MARCHF1: variants seen among roughly 807,000 people sequenced by gnomAD.
The protein encoded by MARCHF1 is E3 ubiquitin-protein ligase MARCHF1.
MARCHF1 carries 40 observed loss-of-function variants against 54.2 expected under a neutral mutation model. The ratio of observed to expected loss-of-function variants is 0.74; its 90% CI spans 0.57 to 0.96. MARCHF1 has a LOEUF of 0.96. Ranked by LOEUF, MARCHF1 falls within the 40% of genes least tolerant of loss-of-function variation. The pLI, the probability that MARCHF1 is intolerant of heterozygous loss-of-function variation, is 0.00. For synonymous variants in MARCHF1, 236 were observed against 236.3 expected, an observed-to-expected ratio of 1.00 and a Z score of 0.01; for missense variants, 586 against 656.5, an observed-to-expected ratio of 0.89 and a Z score of 1.17.
intron 1 of MARCHF1, among the ~76,000 whole-genome samples, chr4:164,216,612 G>A (rs939573007): frequency 2.6e-5 from 4 of 152,104 alleles, no homozygotes; most frequent in Non-Finnish European, 4.4e-5. Flanking sequence ...TCATTTCTTG[G>A]ATTAGATTAA....
chr4:163,546,641 G>A lies in MARCHF1; in HGVS notation c.1192-898C>T, dbSNP rs547710328. 1.4e-3 allele frequency among the ~76,000 whole-genome samples: 208 copies of A among 152,268 alleles called. 2 individuals are homozygous for A. The highest frequency in any genetic ancestry group is 4.7e-3 in the African/African-American group (194 of 41,550). ...GAAAAACAAATTTTATCACTTGGGC[G>A]ATACTAGAAAATCTGCTGAAGCCTC... On this transcript the variant is annotated intron_variant, in intron 8 of 9. Coordinates refer to ENST00000514618, the MANE Select transcript of MARCHF1 (RefSeq NM_001394959.1).
At chr4:164,162,983 G>C (rs978690539) in intron 1 of MARCHF1, among the ~76,000 whole-genome samples, 3 of 151,974 alleles carry the variant, frequency 2.0e-5, no homozygotes, top group African/African-American at 7.2e-5. Flanking sequence ...ACAATCTTCT[G>C]TCTCCTGCAA....
At chr4:163,971,229 T>C (rs1752541414) in intron 3 of MARCHF1, among the ~76,000 whole-genome samples, 1 of 152,036 alleles carries the variant, frequency 6.6e-6, no homozygotes, top group African/African-American at 2.4e-5. Flanking sequence ...TGGGATAGAG[T>C]GTAAGGCAGG....
intron 8 of MARCHF1, among the ~76,000 whole-genome samples, chr4:163,569,606 G>A (rs1489320834): frequency 5.9e-5 from 9 of 151,868 alleles, no homozygotes; most frequent in East Asian, 1.9e-4. Flanking sequence ...CCCCGTTTAC[G>A]CAGGAGGAAA....
chr4:163,938,392 A>T (rs1276510047), intron 3 of MARCHF1, among the ~76,000 whole-genome samples: 1 of 152,188 alleles, frequency 6.6e-6, no homozygotes, highest in Admixed American at 6.5e-5. Flanking sequence ...GGCCCCCATT[A>T]GGAAGGTGCC....
At chr4:163,989,760 T>C (rs1348862305) in intron 2 of MARCHF1, among the ~76,000 whole-genome samples, 1 of 152,240 alleles carries the variant, frequency 6.6e-6, no homozygotes, top group Admixed American at 6.5e-5. Flanking sequence ...ACTCTGTCTT[T>C]AAAAGGACAG....
At chr4:163,713,887 A>C (rs1480421723) in intron 4 of MARCHF1, among the ~76,000 whole-genome samples, 1 of 152,240 alleles carries the variant, frequency 6.6e-6, no homozygotes, top group Admixed American at 6.5e-5. Flanking sequence ...TTGGCAATAC[A>C]TAATGAAAAT....
chr4:164,230,412 T>C (rs1732384135), intron 1 of MARCHF1, among the ~76,000 whole-genome samples: 1 of 151,070 alleles, frequency 6.6e-6, no homozygotes, highest in Admixed American at 6.6e-5. Flanking sequence ...AAAAAAAAGA[T>C]ATAAAATAGT....
At chr4:163,875,135 T>A (rs538354092) in intron 3 of MARCHF1, among the ~76,000 whole-genome samples, 1 of 152,272 alleles carries the variant, frequency 6.6e-6, no homozygotes, top group Admixed American at 6.5e-5. Flanking sequence ...TTAGCTCAAT[T>A]TTTCATTTGC....
intron 1 of MARCHF1, among the ~76,000 whole-genome samples, chr4:164,140,384 G>C (rs1452619149): frequency 6.6e-6 from 1 of 151,764 alleles, no homozygotes; most frequent in Non-Finnish European, 1.5e-5. Flanking sequence ...TTCTTTCTCA[G>C]GAAACCAACC....
chr4:164,298,679 G>A lies in MARCHF1; in HGVS notation c.-323+85191C>T, dbSNP rs140208586. On this transcript the variant is annotated intron_variant, in intron 1 of 9. Transcript: ENST00000514618. ...GAGATTAAAATAAGGTTTTCTTTTA[G>A]TATGATATAACTCTAAGGTTATGGA... 3.3e-3 allele frequency among the ~76,000 whole-genome samples: 508 copies of A among 152,144 alleles called. 2 individuals are homozygous for A. Among genetic ancestry groups the A allele is most frequent in the Admixed American group, 8.5e-3 (130 of 15,264 alleles).
chr4:164,009,483 T>C (rs745752246), intron 2 of MARCHF1, among the ~76,000 whole-genome samples: 1 of 152,036 alleles, frequency 6.6e-6, no homozygotes, highest in African/African-American at 2.4e-5. Flanking sequence ...CAGATGAAGA[T>C]ACAATAAAGA....
chr4:163,608,707 A>G (rs1444825513), intron 7 of MARCHF1, among the ~76,000 whole-genome samples: 1 of 152,068 alleles, frequency 6.6e-6, no homozygotes, highest in African/African-American at 2.4e-5. Context: ...TGAAGGAGGC[A>G]AACAGAATAG....
chr4:164,177,834 G>C (rs55722368), intron 1 of MARCHF1, among the ~76,000 whole-genome samples: 22,794 of 133,892 alleles, frequency 0.17, 2,387 homozygotes, highest in African/African-American at 0.29. Context: ...CACACACACA[G>C]AGAGACAAAG....
At chr4:163,596,364 A>G (rs1229957883) in intron 7 of MARCHF1, among the ~76,000 whole-genome samples, 1 of 151,912 alleles carries the variant, frequency 6.6e-6, no homozygotes, top group Non-Finnish European at 1.5e-5. Flanking sequence ...ACATTGTGAA[A>G]CCCTGTCTCT....
intron 1 of MARCHF1, among the ~76,000 whole-genome samples, chr4:164,281,111 G>T (rs1734014842): frequency 6.6e-6 from 1 of 152,128 alleles, no homozygotes; most frequent in African/African-American, 2.4e-5. Flanking sequence ...ATCTGTTAGA[G>T]TGCATGATCT....
intron 1 of MARCHF1, among the ~76,000 whole-genome samples, chr4:164,133,060 C>T (rs765644350): frequency 1.3e-4 from 20 of 152,096 alleles, no homozygotes; most frequent in African/African-American, 2.7e-4. Flanking sequence ...TATAGTTGCC[C>T]CACAACTGAA....
chr4:164,094,607 G>A (rs558079203), intron 2 of MARCHF1, among the ~76,000 whole-genome samples: 2 of 152,178 alleles, frequency 1.3e-5, no homozygotes, highest in Admixed American at 1.3e-4. Flanking sequence ...AAGACTGAGA[G>A]TTATCTAATA....
chr4:163,577,357 T>C (rs908885025), intron 8 of MARCHF1, among the ~76,000 whole-genome samples: 1 of 152,072 alleles, frequency 6.6e-6, no homozygotes, highest in Non-Finnish European at 1.5e-5. Context: ...TGGTGGGTTA[T>C]AAACTTCTTG....
Sources: gnomAD v4.1 joint callset for allele counts (sites outside exome capture counted in the v4.1 genomes callset) on GRCh38, gnomAD v4.1.1 for gene constraint, MANE v1.5 for transcripts, NCBI Gene and HGNC (gene_info 2026-07-23, HGNC 2026-07-21) for gene names.